Variants in GPR158 observed in about 807,000 individuals in gnomAD.
GPR158 encodes G protein-coupled receptor 158, also known as metabotropic glycine receptor.
In GPR158, 30 loss-of-function variants were observed where a neutral mutation model predicts 78.2. The ratio of observed to expected loss-of-function variants is 0.38; its 90% CI spans 0.29 to 0.52. The LOEUF (loss-of-function observed/expected upper bound fraction) is 0.52. Among genes scored for constraint, GPR158 ranks in the 20% least tolerant of loss-of-function variants. The probability of loss-of-function intolerance (pLI) is 0.83; values close to 1 mark genes in which losing one functional copy is unlikely to be tolerated. For synonymous variants in GPR158, 581 were observed against 591.1 expected, an observed-to-expected ratio of 0.98 and a Z score of 0.25; for missense variants, 1,463 against 1,523.5, an observed-to-expected ratio of 0.96 and a Z score of 0.66.
intron 9 of GPR158, among the ~76,000 whole-genome samples, chr10:25,595,334 TTAAC>T (rs1284208099): frequency 6.6e-5 from 10 of 152,228 alleles, no homozygotes; most frequent in African/African-American, 2.4e-4. Context: ...ATAGATTATC[TTAAC>T]TATTTTGATA....
At chr10:25,315,040 T>G (rs920162415) in intron 2 of GPR158, among the ~76,000 whole-genome samples, 4 of 151,844 alleles carry the variant, frequency 2.6e-5, no homozygotes, top group African/African-American at 9.7e-5. Flanking sequence ...GCTTTTATTG[T>G]GACCTAAATA....
chr10:25,315,403 G>T (rs1331486329), intron 2 of GPR158, among the ~76,000 whole-genome samples: 3 of 151,988 alleles, frequency 2.0e-5, no homozygotes, highest in Non-Finnish European at 4.4e-5. Context: ...AGTCTACTTT[G>T]ATAGCAAGAT....
intron 6 of GPR158, among the ~76,000 whole-genome samples, chr10:25,555,922 T>C (rs1342376885): frequency 2.0e-5 from 3 of 152,182 alleles, no homozygotes; most frequent in Admixed American, 2.0e-4. Context: ...GCACCAAATA[T>C]TTACAGTTTG....
chr10:25,430,857 T>A (rs1260969841), intron 4 of GPR158, among the ~76,000 whole-genome samples: 1 of 151,838 alleles, frequency 6.6e-6, no homozygotes, highest in Admixed American at 6.6e-5. Context: ...ATACAAAAAT[T>A]AATTCAACAT....
intron 5 of GPR158, among the ~76,000 whole-genome samples, chr10:25,473,366 A>G (rs112200541): frequency 5.9e-4 from 90 of 152,232 alleles, no homozygotes; most frequent in Middle Eastern, 3.4e-3. Context: ...CCAGTATTTT[A>G]TTGAGGATTT....
intron 2 of GPR158, among the ~76,000 whole-genome samples, chr10:25,286,605 T>G (rs1025013348): frequency 8.3e-5 from 11 of 132,430 alleles, no homozygotes; most frequent in Middle Eastern, 3.4e-3. Context: ...AGTGTTGTTG[T>G]TTTTTTTTAT....
intron 2 of GPR158, among the ~76,000 whole-genome samples, chr10:25,360,136 G>T (rs1458021610): frequency 6.6e-6 from 1 of 152,080 alleles, no homozygotes; most frequent in African/African-American, 2.4e-5. Flanking sequence ...TAAGTTCTTT[G>T]TAGATTCTGG....
intron 1 of GPR158, among the ~76,000 whole-genome samples, chr10:25,207,356 C>G (rs1588735019): frequency 1.3e-5 from 2 of 152,098 alleles, no homozygotes; most frequent in South Asian, 4.1e-4. Flanking sequence ...TGTTTCCCCC[C>G]TTTTTAAACT....
At chr10:25,448,447 A>C (rs1261727812) in intron 4 of GPR158, among the ~76,000 whole-genome samples, 1 of 152,016 alleles carries the variant, frequency 6.6e-6, no homozygotes, top group Non-Finnish European at 1.5e-5. Flanking sequence ...TGTGTGCATC[A>C]CTTTTTCCTT....
chr10:25,368,388 G>GA (rs1005494010), intron 2 of GPR158, among the ~76,000 whole-genome samples: 69 of 151,706 alleles, frequency 4.5e-4, no homozygotes, highest in African/African-American at 1.6e-3. Context: ...AAATTTGTAA[G>GA]AAAAAAGCAA....
chr10:25,471,172 T>C (rs1325784248), intron 5 of GPR158, among the ~76,000 whole-genome samples: 1 of 145,144 alleles, frequency 6.9e-6, no homozygotes, highest in African/African-American at 2.5e-5. Flanking sequence ...ACTGTTCTCA[T>C]TGTTCAATTC....
intron 5 of GPR158, among the ~76,000 whole-genome samples, chr10:25,472,627 CTT>C (rs1216106548): frequency 6.6e-5 from 10 of 152,186 alleles, no homozygotes. Context: ...TTTGTGTCCT[CTT>C]TTATTTCCTT....
intron 2 of GPR158, among the ~76,000 whole-genome samples, chr10:25,281,355 G>A (rs1333056926): frequency 6.7e-6 from 1 of 149,808 alleles, no homozygotes; most frequent in African/African-American, 2.5e-5. Flanking sequence ...CTTGAGCCCG[G>A]GAGTTTGAGA....
At chr10:25,254,885 G>A (rs549480747) in intron 2 of GPR158, among the ~76,000 whole-genome samples, 1 of 152,264 alleles carries the variant, frequency 6.6e-6, no homozygotes, top group South Asian at 2.1e-4. Flanking sequence ...TTTCAAGAGA[G>A]TTAGTTGATT....
intron 2 of GPR158, among the ~76,000 whole-genome samples, chr10:25,303,904 C>T (rs1854632549): frequency 6.6e-6 from 1 of 152,076 alleles, no homozygotes; most frequent in African/African-American, 2.4e-5. Flanking sequence ...AGGTTTTTGC[C>T]AAATTAGAGA....
intron 4 of GPR158, among the ~76,000 whole-genome samples, chr10:25,427,090 A>G (rs555299624): frequency 5.5e-4 from 84 of 152,096 alleles, no homozygotes; most frequent in African/African-American, 1.9e-3. Flanking sequence ...ATCTTTTCCT[A>G]TATTAATCTA....
intron 6 of GPR158, among the ~76,000 whole-genome samples, chr10:25,551,728 C>T (rs10828821): frequency 0.095 from 14,380 of 152,090 alleles, 1,350 homozygotes; most frequent in East Asian, 0.46. Flanking sequence ...TATTCCGGGG[C>T]GCTCTCTTGC....
intron 6 of GPR158, among the ~76,000 whole-genome samples, chr10:25,557,234 A>G (rs1362918560): frequency 3.3e-5 from 5 of 152,130 alleles, no homozygotes; most frequent in African/African-American, 1.2e-4. Context: ...CCTATTTGTC[A>G]TTTTCATCAT....
chr10:25,270,027 G>A (rs1854096097), intron 2 of GPR158, among the ~76,000 whole-genome samples: 1 of 152,078 alleles, frequency 6.6e-6, no homozygotes, highest in Non-Finnish European at 1.5e-5. Flanking sequence ...CTATAATGCA[G>A]AAAGAAGTTC....
Sources: gnomAD v4.1 joint callset for allele counts (sites outside exome capture counted in the v4.1 genomes callset) on GRCh38, gnomAD v4.1.1 for gene constraint, MANE v1.5 for transcripts, NCBI Gene and HGNC (gene_info 2026-07-23, HGNC 2026-07-21) for gene names.